RAP1GAP: variants seen among roughly 807,000 people sequenced by gnomAD.
RAP1GAP encodes RAP1 GTPase activating protein.
In RAP1GAP, 35 loss-of-function variants were observed where a neutral mutation model predicts 87.2. The ratio of observed to expected loss-of-function variants is 0.40; its 90% CI spans 0.31 to 0.53. The LOEUF is 0.53. Ranked by LOEUF, RAP1GAP falls within the 20% of genes least tolerant of loss-of-function variation. The pLI is 0.48. For synonymous variants in RAP1GAP, 375 were observed against 363.9 expected (o/e 1.03, Z -0.35); for missense variants, 734 against 898.9 (o/e 0.82, Z 2.35).
intron 2 of RAP1GAP, among the ~76,000 whole-genome samples, chr1:21,642,545 C>T (rs555001246): frequency 6.6e-6 from 1 of 152,268 alleles, no homozygotes; most frequent in East Asian, 1.9e-4. Context: ...CAGCCCTGCA[C>T]TAAGAGCACA....
intron 2 of RAP1GAP, among the ~76,000 whole-genome samples, chr1:21,638,282 A>G (rs1324786230): frequency 6.6e-6 from 1 of 151,958 alleles, no homozygotes; most frequent in Non-Finnish European, 1.5e-5. Flanking sequence ...ACATGGTGAA[A>G]CCCCATCTCT....
Position 21,609,768 on chromosome 1 carries a change from G to C in RAP1GAP, c.1000-122C>G. 1 of 725,274 alleles carries C rather than the reference G, an allele frequency of 1.4e-6. No individual in the cohort carries two copies. The allele number at this position is 725,274 out of a possible 1,614,324, so 44.9% of individuals were successfully genotyped here. ...TGGTCGGGGAGACCCAGTGACTGTG[G>C]GCTGGATGAATCTTTCTTCCAGAGA... On this transcript the variant is annotated intron_variant, in intron 14 of 24. Transcript: ENST00000374765. The surrounding 1 kb of genome is among the most constrained non-coding windows in gnomAD (Gnocchi z 4.4).
At chr1:21,649,584 C>A (rs1043656788) in intron 2 of RAP1GAP, among the ~76,000 whole-genome samples, 177 bp downstream of exon 2, 1 of 152,126 alleles carries the variant, frequency 6.6e-6, no homozygotes, top group Admixed American at 6.5e-5. Context: ...GCCTCCAAGG[C>A]TCTCTAAAAA....
rs1469141273 is a variant in RAP1GAP, at chr1:21,609,629, T to C, written c.1017A>G (p.Arg339=). 5.7e-6 allele frequency: 9 copies of C among 1,581,630 alleles called. No individual in the cohort carries two copies. Among genetic ancestry groups the C allele is most frequent in the Non-Finnish European group, 6.0e-6 (7 of 1,164,190 alleles). Residue 339 remains arginine (R), a synonymous_variant, in exon 15 of 25, where the codon AGA becomes AGG. Transcript: ENST00000374765. The surrounding 1 kb of genome is among the most constrained non-coding windows in gnomAD (Gnocchi z 4.4). ...GGGGTCCAAAGAAGGGCACATCATC[T>C]CTTGCAGTGACAGAGACCTGGAAGG... ...GPLYKVSVTA[R]DDVPFFGPPL...
intron 1 of RAP1GAP, among the ~76,000 whole-genome samples, chr1:21,666,878 G>A (rs1475712740): frequency 1.3e-5 from 2 of 152,188 alleles, no homozygotes; most frequent in Admixed American, 1.3e-4. Context: ...GAGGGCTTCT[G>A]AAAAGGCTCT....
At chr1:21,607,171 G>C (rs373624027) in intron 17 of RAP1GAP, among the ~76,000 whole-genome samples, 5 of 152,198 alleles carry the variant, frequency 3.3e-5, no homozygotes, top group East Asian at 3.8e-4. Flanking sequence ...GGAGGAGACG[G>C]TGGCAAAAAG....
At chr1:21,602,691 G>A in intron 19 of RAP1GAP, 113 bp downstream of exon 19, 2 of 888,210 alleles carry the variant, frequency 2.3e-6, no homozygotes, top group Non-Finnish European at 3.4e-6. Context: ...GTCACTAGTG[G>A]GGATGGAGAG....
rs571542506 is a variant in RAP1GAP, at chr1:21,649,786, A to G, written c.-138T>C. ...CACACACTCCGGCGAGAAGTGAAGGACTTGTCCACCCTGAAACACAACAAG... is the reference window on the plus strand; with the variant it reads ...CACACACTCCGGCGAGAAGTGAAGGGCTTGTCCACCCTGAAACACAACAAG... On this transcript the variant is annotated 5_prime_UTR_variant, in exon 2 of 25. Transcript: ENST00000374765. 1.2e-5 allele frequency: 19 copies of G among 1,552,222 alleles called. No individual in the cohort carries two copies. The highest frequency in any genetic ancestry group is 2.0e-5 in the Admixed American group (1 of 51,010).
chr1:21,598,457 TGAA>T lies in RAP1GAP; in HGVS notation c.1819_1821del (p.Phe607del), dbSNP rs1646539343. The T allele has an allele frequency of 2.5e-6, 4 of 1,613,680 alleles. No homozygotes were observed. The highest frequency in any genetic ancestry group is 2.5e-6 in the Non-Finnish European group (3 of 1,179,872). ...CTGTCCTCCAGCCACGTGCTATAGA[TGAA>T]GGAGTCCCGCTTGTGGGGTGTTCCT... On this transcript the variant is annotated inframe_deletion, in exon 22 of 25. Coordinates refer to ENST00000374765, the MANE Select transcript of RAP1GAP (RefSeq NM_002885.4).
At chr1:21,637,769 A>G (rs1352793023) in intron 2 of RAP1GAP, among the ~76,000 whole-genome samples, 1 of 152,130 alleles carries the variant, frequency 6.6e-6, no homozygotes, top group Non-Finnish European at 1.5e-5. Flanking sequence ...TTTGAGGCAT[A>G]TTGTTAAGTG....
At position 21,651,767 on chromosome 1, in the gene RAP1GAP, G is replaced by A. The variant is rs772736377; in HGVS notation, c.-148-1971C>T. 1.9e-3 allele frequency: 2,766 copies of A among 1,437,372 alleles called. 5 individuals carry two copies. The highest frequency in any genetic ancestry group is 2.3e-3 in the Non-Finnish European group (2,484 of 1,100,314). The allele number at this position is 1,437,372 out of a possible 1,614,324, so 89.0% of individuals were successfully genotyped here. A position where few individuals can be genotyped will look rare whatever the true frequency, so the allele number is the denominator to read the frequency against. ...GCGCACGCGCCCCGCCCCGCGCCGC[G>A]CCACGCCCTACCCGCCGTAGGCCCC... On this transcript the variant is annotated intron_variant, in intron 1 of 24. Transcript: ENST00000374765.
chr1:21,625,269 T>A (rs1412625843), intron 3 of RAP1GAP, among the ~76,000 whole-genome samples: 2 of 152,228 alleles, frequency 1.3e-5, no homozygotes, highest in African/African-American at 4.8e-5. Flanking sequence ...ATTTTGCCTC[T>A]GCTATTTTCT....
chr1:21,600,286 G>A (rs529910657), intron 20 of RAP1GAP, among the ~76,000 whole-genome samples: 7 of 152,108 alleles, frequency 4.6e-5, no homozygotes, highest in East Asian at 1.9e-4. Context: ...CTCCCAAGGT[G>A]AGAATGACCC....
intron 2 of RAP1GAP, among the ~76,000 whole-genome samples, chr1:21,636,078 G>C (rs1377198109): frequency 6.6e-6 from 1 of 152,176 alleles, no homozygotes; most frequent in Admixed American, 6.5e-5. Context: ...AACTTTGCAG[G>C]GTTGTTGTGT....
chr1:21,602,771 AG>A, intron 19 of RAP1GAP, 32 bp downstream of exon 19: 1 of 1,554,512 alleles, frequency 6.4e-7, no homozygotes. Context: ...ATGGGGATGC[AG>A]GGGAATGGGG....
rs1290834685 is a variant in RAP1GAP at position 21,635,741 on chromosome 1, G to A, written c.-112-9344C>T. Reference sequence around the variant, plus strand: ...ACCCAGGCCAAGGCGAAACCCCCACGGGGATAGACAAGGTCACCATCTCCT... The same window carrying A: ...ACCCAGGCCAAGGCGAAACCCCCACAGGGATAGACAAGGTCACCATCTCCT... On this transcript the variant is annotated intron_variant, in intron 2 of 24. Coordinates refer to ENST00000374765, the MANE Select transcript of RAP1GAP (RefSeq NM_002885.4). Among the ~76,000 whole-genome samples the A allele has an allele frequency of 7.2e-5, 11 of 152,352 alleles. 1 individual carries two copies. The highest frequency in any genetic ancestry group is 4.1e-4 in the South Asian group (2 of 4,832).
Position 21,626,391 on chromosome 1 carries a change from G to T in RAP1GAP, c.-106C>A, listed in dbSNP as rs1130564. 1.2e-6 allele frequency: 2 copies of T among 1,611,486 alleles called. No homozygotes were observed. On this transcript the variant is annotated 5_prime_UTR_variant, in exon 3 of 25. Transcript: ENST00000374765. ...GAGGGAAGTGCTGGTTCTGCCCATCGCTCCTCCTGGAAGAGAAAGAGTCTG... is the reference window on the plus strand; with the variant it reads ...GAGGGAAGTGCTGGTTCTGCCCATCTCTCCTCCTGGAAGAGAAAGAGTCTG...
chr1:21,601,306 T>C (rs1440588138), intron 20 of RAP1GAP, among the ~76,000 whole-genome samples: 1 of 148,944 alleles, frequency 6.7e-6, no homozygotes, highest in Non-Finnish European at 1.5e-5. Flanking sequence ...TGTCACCCCA[T>C]GGAGGTGTCT....
At chr1:21,633,973 G>A (rs193219579) in intron 2 of RAP1GAP, among the ~76,000 whole-genome samples, 9 of 152,012 alleles carry the variant, frequency 5.9e-5, no homozygotes, top group African/African-American at 2.2e-4. Flanking sequence ...CCAGAGCCGG[G>A]TCTCCTAGCC....
Sources: gnomAD v4.1 joint callset for allele counts (sites outside exome capture counted in the v4.1 genomes callset) on GRCh38, gnomAD v4.1.1 for gene constraint, Gnocchi (gnomAD v3.1) non-coding constraint, MANE v1.5 for transcripts, NCBI Gene and HGNC (gene_info 2026-07-23, HGNC 2026-07-21) for gene names.